ULBP2: variants seen among roughly 807,000 people sequenced by gnomAD.
The protein encoded by ULBP2 is UL16 binding protein 2, also known as UL16-binding protein 2.
A neutral mutation model predicts 23.6 loss-of-function variants in ULBP2; 21 were observed. The observed-to-expected ratio is 0.89, with a 90% CI of 0.63 to 1.28. ULBP2 has a LOEUF of 1.28. Among genes scored for constraint, ULBP2 ranks in the 50% most tolerant of loss-of-function variants. The pLI is 0.00. For missense variants in ULBP2, 251 were observed against 306.0 expected, an observed-to-expected ratio of 0.82 and a Z score of 1.34; for synonymous variants, 82 against 112.8, an observed-to-expected ratio of 0.73 and a Z score of 1.73.
At position 149,944,062 on chromosome 6, in the gene ULBP2, T is replaced by C. The variant is rs377567039; in HGVS notation, c.86-1247T>C. ...CAAACTCTACTGGCCATAAATATCT[T>C]TGGAGAAGGCCACAAGGACTCACTG... is the stretch of plus-strand genomic sequence containing the variant. On this transcript the variant is annotated intron_variant, in intron 1 of 4. Transcript: ENST00000367351. 1.5e-3 allele frequency among the ~76,000 whole-genome samples: 229 copies of C among 151,398 alleles called. 5 individuals carry two copies. The East Asian group carries it at 0.021, about 14-fold the overall frequency.
intron 4 of ULBP2, among the ~76,000 whole-genome samples, chr6:149,947,981 A>G (rs1184286421): frequency 6.6e-6 from 1 of 152,258 alleles, no homozygotes; most frequent in Non-Finnish European, 1.5e-5. Context: ...CTGCCTTCCC[A>G]CAGAAAGTGG....
rs78826737 is a variant in ULBP2, at chr6:149,946,592, T to C, written c.570T>C (p.Cys190=). ...MSFHYFSMGD[C]IGWLEDFLMG... ...TCCATTACTTCTCAATGGGAGACTG[T>C]ATAGGATGGCTTGAGGACTTCTTGA... Residue 190 remains cysteine, a synonymous_variant, in exon 3 of 5, where the codon TGT becomes TGC. Transcript: ENST00000367351. 3,289 of 1,613,810 alleles carry C rather than the reference T, an allele frequency of 2.0e-3. 49 individuals are homozygous for C. In the African/African-American group the frequency reaches 0.036, roughly 17 times the overall value.
chr6:149,943,023 A>G (rs1778886751), intron 1 of ULBP2, among the ~76,000 whole-genome samples: 1 of 152,152 alleles, frequency 6.6e-6, no homozygotes, highest in South Asian at 2.1e-4. Context: ...CATAGAGAAT[A>G]GTCACTGTGT....
At chr6:149,945,713 T>A in intron 2 of ULBP2, 141 bp downstream of exon 2, 1 of 1,514,002 alleles carries the variant, frequency 6.6e-7, no homozygotes, top group East Asian at 2.3e-5. Context: ...GAGGTAGAGG[T>A]GGGCCGATCA....
Position 149,946,641 on chromosome 6 carries a change from C to A in ULBP2, c.619C>A (p.Pro207Thr), listed in dbSNP as rs148767984. Reference sequence around the variant, plus strand: ...GATGGGCATGGACAGCACCCTGGAGCCAAGTGCAGGAGGTAACAGGAGAAA... The same window carrying A: ...GATGGGCATGGACAGCACCCTGGAGACAAGTGCAGGAGGTAACAGGAGAAA... The part of the protein sequence containing the change: ...FLMGMDSTLE[P>T]SAGAPLAMSS... The change falls in exon 3 of 5, where the codon CCA (proline) becomes ACA (threonine). Residue 207 changes from proline to threonine, a missense_variant. Physicochemically the swap from Pro to Thr is conservative, Grantham distance 38. Around this residue, in one of 2 missense-constraint regions of ULBP2, gnomAD observed 248 missense variants for 258.9 expected, o/e 0.96. Coordinates refer to ENST00000367351, the MANE Select transcript of ULBP2 (RefSeq NM_025217.4). The A allele has an allele frequency of 1.6e-5, 26 of 1,613,780 alleles. No individual in the cohort carries two copies. The African/African-American group carries it at 2.3e-4, about 14-fold the overall frequency.
chr6:149,943,759 T>A (rs1001992026), intron 1 of ULBP2, among the ~76,000 whole-genome samples: 6 of 152,020 alleles, frequency 3.9e-5, no homozygotes, highest in African/African-American at 1.2e-4. Flanking sequence ...GAGCCACTGC[T>A]TAATGTTGCG....
At chr6:149,942,806 A>G (rs1778883217) in intron 1 of ULBP2, among the ~76,000 whole-genome samples, 1 of 152,026 alleles carries the variant, frequency 6.6e-6, no homozygotes, top group Non-Finnish European at 1.5e-5. Context: ...AGGGGACCTC[A>G]CCACCTCCTA....
intron 1 of ULBP2, among the ~76,000 whole-genome samples, chr6:149,943,223 A>G (rs1352581513): frequency 1.3e-5 from 2 of 152,072 alleles, no homozygotes; most frequent in African/African-American, 4.8e-5. Context: ...TCAGGGGATT[A>G]CAATGTCCCA....
At chr6:149,942,378 C>T (rs925497625) in intron 1 of ULBP2, among the ~76,000 whole-genome samples, 3 of 152,128 alleles carry the variant, frequency 2.0e-5, no homozygotes, top group African/African-American at 4.8e-5. Context: ...GGAAAGGAGG[C>T]TGGCAGGAGG....
intron 4 of ULBP2, 106 bp downstream of exon 4, chr6:149,947,557 C>T: frequency 3.4e-6 from 2 of 595,770 alleles, no homozygotes; most frequent in South Asian, 4.0e-5. Flanking sequence ...CTGGGACCTT[C>T]TCATCCTAAC....
At chr6:149,946,725 G>C (rs544521849) in intron 3 of ULBP2, 72 bp downstream of exon 3, 1 of 1,592,820 alleles carries the variant, frequency 6.3e-7, no homozygotes, top group South Asian at 1.1e-5. Flanking sequence ...TAGTTCTTGA[G>C]TTCAGCTTCA....
At chr6:149,942,823 G>A (rs544200424) in intron 1 of ULBP2, among the ~76,000 whole-genome samples, 7 of 152,058 alleles carry the variant, frequency 4.6e-5, no homozygotes, top group South Asian at 2.1e-4. Flanking sequence ...CCTACACCAC[G>A]TCGCACCTTC....
At position 149,945,400 on chromosome 6, in the gene ULBP2, G is replaced by C. The variant is rs1253279746; in HGVS notation, c.177G>C (p.Lys59Asn). Residue 59 changes from lysine (K) to asparagine (N), a missense_variant, in exon 2 of 5, where the codon AAG becomes AAC. Physicochemically the swap from Lys to Asn is moderately conservative, Grantham distance 94. Around this residue, in one of 2 missense-constraint regions of ULBP2, gnomAD observed 248 missense variants for 258.9 expected, o/e 0.96. Transcript: ENST00000367351. Reference protein sequence around the residue: ...WCAVQGQVDEKTFLHYDCGNK... With the variant: ...WCAVQGQVDENTFLHYDCGNK... ...CGGTTCAAGGCCAGGTGGATGAAAA[G>C]ACTTTTCTTCACTATGACTGTGGCA... is the stretch of plus-strand genomic sequence containing the variant. The C allele has an allele frequency of 6.2e-7, 1 of 1,613,646 alleles. No homozygotes were observed.
In ULBP2 at chr6:149,948,787, C is replaced by A. The variant is rs1778981075; in HGVS notation, c.*87C>A. Reference sequence around the variant, plus strand: ...TGATCAAACTCGCCCTTCTGTCTGGCCAGCTGCCCACGACCTACGGTGTAT... The same window carrying A: ...TGATCAAACTCGCCCTTCTGTCTGGACAGCTGCCCACGACCTACGGTGTAT... On this transcript the variant is annotated 3_prime_UTR_variant, in exon 5 of 5. Transcript: ENST00000367351. 2.2e-6 allele frequency: 1 copy of A among 456,724 alleles called. No homozygotes were observed. Among genetic ancestry groups the A allele is most frequent in the Non-Finnish European group, 4.4e-6 (1 of 226,972 alleles). The allele number at this position is 456,724 out of a possible 1,614,324, so 28.3% of individuals were successfully genotyped here.
Position 149,946,481 on chromosome 6 carries a change from A to G in ULBP2, c.459A>G (p.Ser153=). ...GGCAGATCTTCCTCCTCTTTGACTC[A>G]GAGAAGAGAATGTGGACAACGGTTC... ...FDGQIFLLFD[S]EKRMWTTVHP... is the part of the protein sequence containing the mutation. The change falls in exon 3 of 5, where the codon TCA becomes TCG. Residue 153 remains serine, a synonymous_variant. Coordinates refer to ENST00000367351, the MANE Select transcript of ULBP2 (RefSeq NM_025217.4). The G allele has an allele frequency of 6.2e-7, 1 of 1,614,200 alleles. No homozygotes were observed.
intron 4 of ULBP2, among the ~76,000 whole-genome samples, chr6:149,948,180 A>G (rs563074916): frequency 1.3e-5 from 2 of 152,302 alleles, no homozygotes; most frequent in South Asian, 2.1e-4. Flanking sequence ...GAGTGGACTC[A>G]GAGGAAGGGG....
In ULBP2 at chr6:149,947,757, C is replaced by T. The variant is rs547269472; in HGVS notation, c.*22+306C>T. Among the ~76,000 whole-genome samples the T allele has an allele frequency of 9.0e-3, 1,369 of 151,672 alleles. 7 individuals are homozygous for T. Among genetic ancestry groups the T allele is most frequent in the Non-Finnish European group, 0.014 (958 of 67,924 alleles). On this transcript the variant is annotated intron_variant, in intron 4 of 4. Transcript: ENST00000367351. Reference sequence around the variant, plus strand: ...GTTCAGGCCTGATTCAGAGCAGGTTCCTATTCAGGAAGGGTGTGTGGCCTG... The same window carrying T: ...GTTCAGGCCTGATTCAGAGCAGGTTTCTATTCAGGAAGGGTGTGTGGCCTG...
At chr6:149,942,261 A>T in intron 1 of ULBP2, 104 bp downstream of exon 1, 7 of 1,254,148 alleles carry the variant, frequency 5.6e-6, no homozygotes, top group Non-Finnish European at 7.6e-6. Flanking sequence ...GACGGGGGAG[A>T]TCTCCCCTAA....
intron 1 of ULBP2, among the ~76,000 whole-genome samples, chr6:149,943,194 C>G (rs1360613108): frequency 1.3e-5 from 2 of 152,104 alleles, no homozygotes; most frequent in Non-Finnish European, 2.9e-5. Flanking sequence ...GGACCCTGTC[C>G]TAGGTTGCTG....
Sources: gnomAD v4.1 joint callset for allele counts (sites outside exome capture counted in the v4.1 genomes callset) on GRCh38, gnomAD v4.1.1 for gene constraint, gnomAD v4.1.1 regional missense constraint, MANE v1.5 for transcripts, NCBI Gene and HGNC (gene_info 2026-07-23, HGNC 2026-07-21) for gene names.